The following LHPP variants were observed in gnomAD, a reference collection of about 807,000 sequenced individuals.
LHPP encodes phospholysine phosphohistidine inorganic pyrophosphate phosphatase.
Under a neutral mutation model 30.3 loss-of-function variants are expected in LHPP, and 24 were observed. The ratio of observed to expected loss-of-function variants is 0.79; its 90% CI spans 0.57 to 1.11. The LOEUF (loss-of-function observed/expected upper bound fraction) is 1.11. LHPP is among the 50% of genes most tolerant of loss of function. The probability of loss-of-function intolerance (pLI) is 0.00; values close to 1 mark genes in which losing one functional copy is unlikely to be tolerated. For synonymous variants in LHPP, 150 were observed against 157.1 expected (o/e 0.95, Z 0.34); for missense variants, 356 against 367.2 (o/e 0.97, Z 0.25).
chr10:124,529,790 T>G (rs1411905060), intron 6 of LHPP, among the ~76,000 whole-genome samples: 1 of 115,280 alleles, frequency 8.7e-6, no homozygotes, highest in East Asian at 2.8e-4. Flanking sequence ...CACCAGCTCA[T>G]GCACATACAC....
chr10:124,601,794 G>A (rs1949026087), intron 6 of LHPP, among the ~76,000 whole-genome samples: 1 of 152,348 alleles, frequency 6.6e-6, no homozygotes, highest in South Asian at 2.1e-4. Context: ...TGCCTGGCTG[G>A]CACACGCCCT....
chr10:124,597,671 G>A (rs937559318), intron 6 of LHPP, among the ~76,000 whole-genome samples: 2 of 152,136 alleles, frequency 1.3e-5, no homozygotes, highest in Non-Finnish European at 2.9e-5. Context: ...GGTTTGGCCT[G>A]AAAAAGAGAG....
intron 6 of LHPP, among the ~76,000 whole-genome samples, chr10:124,566,309 T>TC (rs904154465): frequency 1.3e-5 from 2 of 152,076 alleles, no homozygotes; most frequent in African/African-American, 4.8e-5. Context: ...GGTTGTCCTT[T>TC]CCCCCCTGGG....
At chr10:124,553,942 C>A in intron 6 of LHPP, 1 of 985,422 alleles carries the variant, frequency 1.0e-6, no homozygotes, top group Non-Finnish European at 1.2e-6. Context: ...AGGGACAGAG[C>A]CCCCCTGTTG....
chr10:124,606,396 G>A (rs11599744), intron 6 of LHPP, among the ~76,000 whole-genome samples: 18,548 of 152,180 alleles, frequency 0.12, 1,532 homozygotes, highest in Non-Finnish European at 0.18. Flanking sequence ...AGTGCCCTCA[G>A]ACTCCAGGCC....
At chr10:124,575,518 AT>A (rs1948646613) in intron 6 of LHPP, among the ~76,000 whole-genome samples, 1 of 151,930 alleles carries the variant, frequency 6.6e-6, no homozygotes, top group Admixed American at 6.5e-5. Flanking sequence ...TCAGCCCCTG[AT>A]TTTCCATGAC....
At chr10:124,506,708 AGATTTCAAGTGGGGTGGGTAAGGAG>A (rs1404951670) in intron 5 of LHPP, among the ~76,000 whole-genome samples, 17 of 51,398 alleles carry the variant, frequency 3.3e-4, no homozygotes, top group African/African-American at 1.1e-3. Flanking sequence ...CGGGTAGGGA[AGATTTCAAGTGGGGTGGGTAAGGAG>A]GATTTCAGGT....
intron 5 of LHPP, among the ~76,000 whole-genome samples, chr10:124,511,583 A>G (rs1399360104): frequency 1.3e-5 from 2 of 152,150 alleles, no homozygotes; most frequent in African/African-American, 2.4e-5. Context: ...CAGCACCACC[A>G]TCCGCCGTGG....
Position 124,598,516 on chromosome 10 carries a change from C to T in LHPP, c.717-14748C>T, listed in dbSNP as rs116096658. Among the ~76,000 whole-genome samples, 852 of 152,324 alleles carry T rather than the reference C, an allele frequency of 5.6e-3. 9 individuals are homozygous for T. Among genetic ancestry groups the T allele is most frequent in the African/African-American group, 0.02 (827 of 41,564 alleles). On this transcript the variant is annotated intron_variant, in intron 6 of 6. Coordinates refer to ENST00000368842, the MANE Select transcript of LHPP (RefSeq NM_022126.4). Reference sequence around the variant, plus strand: ...CCCCCTGAGGTGCTTGGGCATCGGACCTGCCCACCATCTCCTGAGGTGGGG... The same window carrying T: ...CCCCCTGAGGTGCTTGGGCATCGGATCTGCCCACCATCTCCTGAGGTGGGG...
intron 6 of LHPP, among the ~76,000 whole-genome samples, chr10:124,519,415 A>G (rs1954548340): frequency 6.6e-6 from 1 of 152,106 alleles, no homozygotes; most frequent in Admixed American, 6.5e-5. Flanking sequence ...TCTTTCTACA[A>G]GTGTCTTCAT....
chr10:124,481,502 G>A (rs912713782), intron 1 of LHPP, among the ~76,000 whole-genome samples: 2 of 147,150 alleles, frequency 1.4e-5, no homozygotes, highest in South Asian at 2.2e-4. Context: ...TCAGCCTCCC[G>A]AGTAGCTAGG....
chr10:124,571,729 G>A (rs1343944252), intron 6 of LHPP, among the ~76,000 whole-genome samples: 3 of 152,246 alleles, frequency 2.0e-5, no homozygotes, highest in Non-Finnish European at 4.4e-5. Flanking sequence ...TTCCCTGGCT[G>A]GCCACCCTGC....
intron 3 of LHPP, chr10:124,493,757 T>A (rs919353263): frequency 3.3e-5 from 5 of 152,134 alleles, no homozygotes; most frequent in African/African-American, 1.2e-4. Context: ...AACATTCACG[T>A]CCTAAGTGGG....
intron 3 of LHPP, among the ~76,000 whole-genome samples, chr10:124,495,251 A>G: frequency 6.6e-6 from 1 of 152,116 alleles, no homozygotes; most frequent in East Asian, 1.9e-4. Flanking sequence ...CCGTGACCCC[A>G]GAGCACAGAG....
At chr10:124,557,944 G>C (rs769719456) in intron 6 of LHPP, among the ~76,000 whole-genome samples, 4 of 152,120 alleles carry the variant, frequency 2.6e-5, no homozygotes, top group Non-Finnish European at 5.9e-5. Context: ...AGCCTGGGGC[G>C]GCCTCGGCTC....
chr10:124,548,519 G>A (rs945893018), intron 6 of LHPP, among the ~76,000 whole-genome samples: 7 of 152,136 alleles, frequency 4.6e-5, no homozygotes, highest in South Asian at 2.1e-4. Flanking sequence ...GTCTCAGAAC[G>A]GCAGGCTGCT....
At chr10:124,579,344 G>A (rs1279145575) in intron 6 of LHPP, among the ~76,000 whole-genome samples, 1 of 152,206 alleles carries the variant, frequency 6.6e-6, no homozygotes, top group Admixed American at 6.5e-5. Context: ...CTATATTCGC[G>A]GACACGGCGC....
At position 124,541,149 on chromosome 10, in the gene LHPP, G is replaced by A. The variant is rs1291177104; in HGVS notation, c.716+23878G>A. On this transcript the variant is annotated intron_variant, in intron 6 of 6. Transcript: ENST00000368842. This position sits in a 1 kb window ranked among gnomAD's most constrained non-coding sequence, Gnocchi z 4.2. ...TACCCACGCAGTGTGCCTGAGTCCT[G>A]GAGTGCGATGTATTCTGAGCCACCC... 6.6e-6 allele frequency among the ~76,000 whole-genome samples: 1 copy of A among 152,186 alleles called. No homozygotes were observed. The highest frequency in any genetic ancestry group is 2.4e-5 in the African/African-American group (1 of 41,452).
intron 6 of LHPP, among the ~76,000 whole-genome samples, chr10:124,548,238 G>GC (rs79907642): frequency 0.27 from 41,502 of 152,040 alleles, 6,654 homozygotes; most frequent in South Asian, 0.36. Flanking sequence ...ATGAGTGGGG[G>GC]CCCCATGCTG....
Sources: allele counts gnomAD v4.1 joint callset (sites outside exome capture counted in the v4.1 genomes callset), GRCh38; gene constraint gnomAD v4.1.1; non-coding constraint Gnocchi (gnomAD v3.1); transcripts MANE v1.5; gene names NCBI Gene and HGNC (gene_info 2026-07-23, HGNC 2026-07-21).